CEACAM6: variants seen among roughly 807,000 people sequenced by gnomAD.
The protein encoded by CEACAM6 is cell adhesion molecule CEACAM6.
A neutral mutation model predicts 32.4 loss-of-function variants in CEACAM6; 21 were observed. That is an observed-to-expected ratio of 0.65 (90% CI 0.46 to 0.93). The LOEUF (loss-of-function observed/expected upper bound fraction) is 0.93, where lower values mean the gene tolerates loss of function less well. CEACAM6 is among the 40% of genes least tolerant of loss of function. The probability of loss-of-function intolerance (pLI) is 0.00; values close to 1 mark genes in which losing one functional copy is unlikely to be tolerated. For synonymous variants in CEACAM6, 184 were observed against 174.4 expected, an observed-to-expected ratio of 1.06 and a Z score of -0.43; for missense variants, 406 against 432.2, an observed-to-expected ratio of 0.94 and a Z score of 0.54.
intron 2 of CEACAM6, among the ~76,000 whole-genome samples, chr19:41,760,845 G>A (rs1443329249): frequency 6.6e-6 from 1 of 151,848 alleles, no homozygotes; most frequent in African/African-American, 2.4e-5. Context: ...AAGCCACACA[G>A]AAAATACAGC....
chr19:41,756,484 ACACACACACG>A, intron 1 of CEACAM6, 106 bp from the exon 2 acceptor site: 1 of 1,472,468 alleles, frequency 6.8e-7, no homozygotes, highest in Non-Finnish European at 9.1e-7. Flanking sequence ...ACACACACAC[ACACACACACG>A]CTCCAACGTG....
intron 5 of CEACAM6, among the ~76,000 whole-genome samples, chr19:41,769,833 C>A (rs548644932): frequency 6.8e-6 from 1 of 146,892 alleles, no homozygotes; most frequent in Non-Finnish European, 1.5e-5. Flanking sequence ...TATTATTTAA[C>A]GACTAATTGT....
chr19:41,762,288 C>T, intron 4 of CEACAM6, 65 bp downstream of exon 4: 1 of 1,560,660 alleles, frequency 6.4e-7, no homozygotes, highest in Non-Finnish European at 8.7e-7. Flanking sequence ...AGAGAAGAGC[C>T]AGGAAGAAAT....
chr19:41,763,505 G>A (rs1014225746), intron 4 of CEACAM6, among the ~76,000 whole-genome samples: 6 of 152,220 alleles, frequency 3.9e-5, no homozygotes, highest in African/African-American at 1.4e-4. Context: ...GAAGAAACAG[G>A]AGAGGTGCCA....
chr19:41,759,342 G>A (rs1004686902), intron 2 of CEACAM6, among the ~76,000 whole-genome samples: 3 of 152,202 alleles, frequency 2.0e-5, no homozygotes, highest in Admixed American at 1.3e-4. Flanking sequence ...TGTTTTCTCA[G>A]GTTAACAGGA....
chr19:41,755,608 A>G lies in CEACAM6; in HGVS notation c.-31A>G. The G allele has an allele frequency of 6.2e-7, 1 of 1,608,840 alleles. No individual in the cohort carries two copies. Among genetic ancestry groups the G allele is most frequent in the South Asian group, 1.1e-5 (1 of 90,908 alleles). On this transcript the variant is annotated 5_prime_UTR_variant, in exon 1 of 6. Coordinates refer to ENST00000199764, the MANE Select transcript of CEACAM6 (RefSeq NM_002483.7). ...ATTCCTGGAGCTCAAGCTCCTCTAC[A>G]AAGAGGTGGACAGAGAAGACAGCAG...
chr19:41,768,754 C>A (rs1304104440), intron 5 of CEACAM6, among the ~76,000 whole-genome samples: 2 of 147,328 alleles, frequency 1.4e-5, no homozygotes, highest in Admixed American at 6.7e-5. Flanking sequence ...CCCTCCCGGA[C>A]GGGGCGGCTG....
At chr19:41,767,979 TAA>T (rs202201663) in intron 5 of CEACAM6, among the ~76,000 whole-genome samples, 1,849 of 152,334 alleles carry the variant, frequency 0.012, 30 homozygotes, top group African/African-American at 0.042. Context: ...CCAAAAATTA[TAA>T]GAGATTCCCA....
At chr19:41,764,872 A>G (rs1343107266) in intron 4 of CEACAM6, among the ~76,000 whole-genome samples, 11 of 152,168 alleles carry the variant, frequency 7.2e-5, no homozygotes, top group Admixed American at 7.2e-4. Context: ...ACCACTATCA[A>G]TTTCTTGCAC....
intron 4 of CEACAM6, among the ~76,000 whole-genome samples, 177 bp from the exon 5 acceptor site, chr19:41,766,006 G>A (rs1555822351): frequency 6.6e-6 from 1 of 152,238 alleles, no homozygotes; most frequent in Admixed American, 6.5e-5. Flanking sequence ...GAAATTGACA[G>A]AAGACTGATC....
chr19:41,765,750 T>C (rs2072951934), intron 4 of CEACAM6, among the ~76,000 whole-genome samples: 1 of 152,104 alleles, frequency 6.6e-6, no homozygotes, highest in Admixed American at 6.5e-5. Context: ...TGGGAGCCCA[T>C]GGGAAGTGAG....
chr19:41,763,534 C>T (rs1032252319), intron 4 of CEACAM6, among the ~76,000 whole-genome samples: 1 of 152,204 alleles, frequency 6.6e-6, no homozygotes, highest in Non-Finnish European at 1.5e-5. Flanking sequence ...GGCTGTCAGT[C>T]CTGTATCTGC....
Position 41,766,220 on chromosome 19 carries a change from C to T in CEACAM6, c.996C>T (p.Gly332=). 1 of 1,607,642 alleles carries T rather than the reference C, an allele frequency of 6.2e-7. No homozygotes were observed. The highest frequency in any genetic ancestry group is 8.5e-7 in the Non-Finnish European group (1 of 1,177,494). ...TCCTCTCAGCTGTGGCCACCGTCGG[C>T]ATCACGATTGGAGTGCTGGCCAGGG... The part of the protein sequence containing the change: ...APVLSAVATV[G]ITIGVLARVA... Residue 332 remains glycine, a synonymous_variant, in exon 5 of 6, where the codon GGC becomes GGT. Coordinates refer to ENST00000199764, the MANE Select transcript of CEACAM6 (RefSeq NM_002483.7).
Position 41,771,796 on chromosome 19 carries a change from G to T in CEACAM6, c.*1035G>T, listed in dbSNP as rs1462788062. On this transcript the variant is annotated 3_prime_UTR_variant, in exon 6 of 6. Coordinates refer to ENST00000199764, the MANE Select transcript of CEACAM6 (RefSeq NM_002483.7). ...TGAAGGATAAAAGCCCCAAATGGTG[G>T]TAACTGATAATAGCACTAATGCTTT... is the stretch of plus-strand genomic sequence containing the variant. 6.6e-6 allele frequency: 1 copy of T among 152,178 alleles called. No homozygotes were observed. The highest frequency in any genetic ancestry group is 1.5e-5 in the Non-Finnish European group (1 of 68,036). The allele number at this position is 152,178 out of a possible 1,614,324, so 9.4% of individuals were successfully genotyped here.
intron 1 of CEACAM6, 75 bp downstream of exon 1, chr19:41,755,777 A>G: frequency 8.0e-7 from 1 of 1,252,504 alleles, no homozygotes; most frequent in Non-Finnish European, 1.1e-6. Context: ...GGGGAGGACA[A>G]GGCTCTGAGA....
At chr19:41,756,399 G>C (rs2072885031) in intron 1 of CEACAM6, among the ~76,000 whole-genome samples, 1 of 150,508 alleles carries the variant, frequency 6.6e-6, no homozygotes, top group Non-Finnish European at 1.5e-5. Context: ...GAAATGCCAA[G>C]GTCAAAGGTG....
At chr19:41,770,632 GT>G (rs1555822905) in intron 5 of CEACAM6, among the ~76,000 whole-genome samples, 169 bp from the exon 6 acceptor site, 1 of 152,110 alleles carries the variant, frequency 6.6e-6, no homozygotes, top group African/African-American at 2.4e-5. Context: ...ATGAGGCCAA[GT>G]TCGATGAGAC....
intron 1 of CEACAM6, among the ~76,000 whole-genome samples, chr19:41,756,318 G>C (rs1337496273): frequency 6.6e-6 from 1 of 152,146 alleles, no homozygotes; most frequent in Admixed American, 6.5e-5. Context: ...AGAATGCCCT[G>C]ATGTGAGCAG....
At chr19:41,762,803 G>A (rs1307158719) in intron 4 of CEACAM6, among the ~76,000 whole-genome samples, 1 of 152,190 alleles carries the variant, frequency 6.6e-6, no homozygotes, top group Non-Finnish European at 1.5e-5. Flanking sequence ...AGGTGCCCAG[G>A]TGTCTGTCCT....
Sources: allele counts gnomAD v4.1 joint callset (sites outside exome capture counted in the v4.1 genomes callset), GRCh38; gene constraint gnomAD v4.1.1; transcripts MANE v1.5; gene names NCBI Gene and HGNC (gene_info 2026-07-23, HGNC 2026-07-21).